Variants in CHRM2 observed in about 807,000 individuals in gnomAD.
CHRM2 encodes muscarinic acetylcholine receptor M2.
Under a neutral mutation model 25.0 loss-of-function variants are expected in CHRM2, and 8 were observed. That is an observed-to-expected ratio of 0.32 (90% confidence interval 0.19 to 0.58). CHRM2 has a LOEUF of 0.58. Ranked by LOEUF, CHRM2 falls within the 20% of genes least tolerant of loss-of-function variation. The pLI, the probability that CHRM2 is intolerant of heterozygous loss-of-function variation, is 0.88. For synonymous variants in CHRM2, 202 were observed against 205.7 expected, an observed-to-expected ratio of 0.98 and a Z score of 0.15; for missense variants, 440 against 567.1, an observed-to-expected ratio of 0.78 and a Z score of 2.28.
chr7:137,013,443 T>C (rs1804958864), intron 3 of CHRM2, among the ~76,000 whole-genome samples: 1 of 152,002 alleles, frequency 6.6e-6, no homozygotes, highest in African/African-American at 2.4e-5. Context: ...TTGTAATTAA[T>C]AGCATCCAAA....
chr7:137,007,245 T>C (rs917033173), intron 3 of CHRM2, among the ~76,000 whole-genome samples: 4 of 152,068 alleles, frequency 2.6e-5, no homozygotes, highest in Non-Finnish European at 1.5e-5. Flanking sequence ...TTTTAGAAAA[T>C]TGGAAATTTC....
At position 136,888,444 on chromosome 7, in the gene CHRM2, G is replaced by A. The variant is rs1053616125; in HGVS notation, c.-125+19026G>A. Among the ~76,000 whole-genome samples the A allele has an allele frequency of 5.3e-5, 8 of 152,150 alleles. No individual in the cohort carries two copies. In the East Asian group the frequency reaches 1.2e-3, roughly 22 times the overall value. Reference sequence around the variant, plus strand: ...TTGTTGGAAGCTGTGAGAATTCAGCGAGAAATATTTTAGCAGGTTTTCAGA... The same window carrying A: ...TTGTTGGAAGCTGTGAGAATTCAGCAAGAAATATTTTAGCAGGTTTTCAGA... On this transcript the variant is annotated intron_variant, in intron 2 of 3. Transcript: ENST00000680005.
At chr7:136,946,699 C>G (rs373868625) in intron 2 of CHRM2, among the ~76,000 whole-genome samples, 3 of 152,258 alleles carry the variant, frequency 2.0e-5, no homozygotes, top group African/African-American at 7.2e-5. Flanking sequence ...TAGAATAATG[C>G]TACTCATTTG....
rs1795734475 is a variant in CHRM2, at chr7:136,869,636, G to A, written c.-125+218G>A. Among the ~76,000 whole-genome samples the A allele has an allele frequency of 6.6e-6, 1 of 152,162 alleles. No homozygotes were observed. The highest frequency in any genetic ancestry group is 1.5e-5 in the Non-Finnish European group (1 of 68,020). On this transcript the variant is annotated intron_variant, in intron 2 of 3. Coordinates refer to ENST00000680005, the MANE Select transcript of CHRM2 (RefSeq NM_001006630.2). The surrounding 1 kb of genome is among the most constrained non-coding windows in gnomAD (Gnocchi z 4.9). ...GTGATGGCGGGTCTGAAAGGAAGGGGCAAACGAGGCACAGCGCGAGGCGAG... is the reference window on the plus strand; with the variant it reads ...GTGATGGCGGGTCTGAAAGGAAGGGACAAACGAGGCACAGCGCGAGGCGAG...
At chr7:136,975,974 A>C (rs1255353041) in intron 2 of CHRM2, among the ~76,000 whole-genome samples, 1 of 152,186 alleles carries the variant, frequency 6.6e-6, no homozygotes, top group Non-Finnish European at 1.5e-5. Context: ...AGTGGGTGAC[A>C]CAGTGCTATG....
intron 2 of CHRM2, among the ~76,000 whole-genome samples, chr7:136,973,827 C>A (rs1365841106): frequency 6.6e-6 from 1 of 151,956 alleles, no homozygotes; most frequent in Non-Finnish European, 1.5e-5. Flanking sequence ...AATGCATTTT[C>A]TTTTAAAGAG....
intron 2 of CHRM2, among the ~76,000 whole-genome samples, chr7:136,971,524 G>A (rs1801767017): frequency 6.6e-6 from 1 of 151,724 alleles, no homozygotes; most frequent in Non-Finnish European, 1.5e-5. Flanking sequence ...GACTGAGGTG[G>A]GAGAATGGCT....
At chr7:137,007,983 GCA>G (rs1464877579) in intron 3 of CHRM2, among the ~76,000 whole-genome samples, 1 of 151,970 alleles carries the variant, frequency 6.6e-6, no homozygotes, top group African/African-American at 2.4e-5. Flanking sequence ...ATTCACTAAT[GCA>G]GTTTATAAAT....
intron 2 of CHRM2, among the ~76,000 whole-genome samples, chr7:136,971,538 AC>A (rs111364083): frequency 2.0e-5 from 3 of 148,832 alleles, no homozygotes; most frequent in African/African-American, 7.5e-5. Flanking sequence ...AATGGCTTGA[AC>A]CCAGGAGGCG....
At chr7:136,977,213 T>C (rs568678403) in intron 2 of CHRM2, among the ~76,000 whole-genome samples, 137 of 152,224 alleles carry the variant, frequency 9.0e-4, no homozygotes, top group African/African-American at 3.0e-3. Context: ...GATTTTAATG[T>C]CCCCTACAAC....
At chr7:136,909,130 T>C (rs369225023) in intron 2 of CHRM2, among the ~76,000 whole-genome samples, 1 of 151,970 alleles carries the variant, frequency 6.6e-6, no homozygotes, top group East Asian at 1.9e-4. Flanking sequence ...CACTGGAATT[T>C]CATCTCATTG....
At chr7:136,902,806 A>C (rs1438659927) in intron 2 of CHRM2, 1 of 242,876 alleles carries the variant, frequency 4.1e-6, no homozygotes, top group Non-Finnish European at 8.0e-6. Flanking sequence ...TTCCACAGTA[A>C]GATGTAAATA....
At chr7:136,999,379 A>C (rs1237593683) in intron 3 of CHRM2, among the ~76,000 whole-genome samples, 2 of 152,106 alleles carry the variant, frequency 1.3e-5, no homozygotes, top group Non-Finnish European at 2.9e-5. Flanking sequence ...ACTTTAAATA[A>C]AATAAAATAT....
intron 2 of CHRM2, among the ~76,000 whole-genome samples, chr7:136,989,873 T>C (rs1803101755): frequency 6.6e-6 from 1 of 152,122 alleles, no homozygotes; most frequent in African/African-American, 2.4e-5. Context: ...GCATGAAGTC[T>C]GAGTTTCTTA....
At chr7:136,921,087 G>A (rs1270064228) in intron 2 of CHRM2, among the ~76,000 whole-genome samples, 1 of 152,072 alleles carries the variant, frequency 6.6e-6, no homozygotes, top group Admixed American at 6.5e-5. Context: ...CTTCTACACA[G>A]TGGTGGAAAA....
chr7:136,984,482 G>A (rs928228186), intron 2 of CHRM2, among the ~76,000 whole-genome samples: 2 of 151,914 alleles, frequency 1.3e-5, no homozygotes, highest in African/African-American at 4.8e-5. Context: ...GGCACCACCG[G>A]GGTAAGAAAA....
In CHRM2 at chr7:137,018,354, A is replaced by G. The variant is rs1805283320; in HGVS notation, c.*2088A>G. The stretch of plus-strand genomic sequence containing the variant: ...TCTTCCATATTTAAAGCATTCATTT[A>G]TAGAGATTCCCTTACCTACAGTTAC... On this transcript the variant is annotated 3_prime_UTR_variant, in exon 4 of 4. Coordinates refer to ENST00000680005, the MANE Select transcript of CHRM2 (RefSeq NM_001006630.2). 1 of 151,928 alleles carries G rather than the reference A, an allele frequency of 6.6e-6. No individual in the cohort carries two copies. The highest frequency in any genetic ancestry group is 1.5e-5 in the Non-Finnish European group (1 of 67,928). 9.4% of individuals were successfully genotyped at this position (151,928 alleles called of 1,614,324 possible).
At chr7:136,990,965 T>C (rs770714820) in intron 2 of CHRM2, among the ~76,000 whole-genome samples, 5 of 152,150 alleles carry the variant, frequency 3.3e-5, no homozygotes, top group Non-Finnish European at 7.4e-5. Flanking sequence ...ATTTCCTTGA[T>C]GGCATATGAT....
chr7:137,014,263 T>C (rs992565109), intron 3 of CHRM2, among the ~76,000 whole-genome samples: 5 of 151,964 alleles, frequency 3.3e-5, no homozygotes, highest in Admixed American at 3.3e-4. Context: ...ATACTGGCTA[T>C]TAAGTATTAT....
Sources: gnomAD v4.1 joint callset for allele counts (sites outside exome capture counted in the v4.1 genomes callset) on GRCh38, gnomAD v4.1.1 for gene constraint, Gnocchi (gnomAD v3.1) non-coding constraint, MANE v1.5 for transcripts, NCBI Gene and HGNC (gene_info 2026-07-23, HGNC 2026-07-21) for gene names.